STXBP5L: variants seen among roughly 807,000 people sequenced by gnomAD.
STXBP5L encodes syntaxin-binding protein 5-like.
In STXBP5L, 65 loss-of-function variants were observed where a neutral mutation model predicts 144.5. That is an observed-to-expected ratio of 0.45 (90% CI 0.37 to 0.55). The LOEUF (loss-of-function observed/expected upper bound fraction) is 0.55, where lower values mean the gene tolerates loss of function less well. Ranked by LOEUF, STXBP5L falls within the 20% of genes least tolerant of loss-of-function variation. The probability of loss-of-function intolerance (pLI) is 0.00; values close to 1 mark genes in which losing one functional copy is unlikely to be tolerated. For synonymous variants in STXBP5L, 505 were observed against 469.6 expected, an observed-to-expected ratio of 1.08 and a Z score of -0.97; for missense variants, 1,298 against 1,405.5, an observed-to-expected ratio of 0.92 and a Z score of 1.22.
At chr3:120,996,617 C>T (rs950486854) in intron 3 of STXBP5L, among the ~76,000 whole-genome samples, 14 of 152,110 alleles carry the variant, frequency 9.2e-5, no homozygotes, top group African/African-American at 3.4e-4. Context: ...TCCCCATTTT[C>T]CCAGCCTCCT....
chr3:121,311,413 T>C (rs2043522568), intron 19 of STXBP5L, among the ~76,000 whole-genome samples: 1 of 152,232 alleles, frequency 6.6e-6, no homozygotes, highest in African/African-American at 2.4e-5. Flanking sequence ...AAAATCCAAA[T>C]GTTTCACAAT....
intron 20 of STXBP5L, among the ~76,000 whole-genome samples, chr3:121,339,962 C>A (rs1559992215): frequency 6.6e-6 from 1 of 151,982 alleles, no homozygotes; most frequent in Non-Finnish European, 1.5e-5. Flanking sequence ...ATCAGTATCA[C>A]ACAAATGATC....
Position 121,368,204 on chromosome 3 carries a change from T to C in STXBP5L, c.2177-10512T>C, listed in dbSNP as rs146190263. 2.4e-3 allele frequency among the ~76,000 whole-genome samples: 368 copies of C among 152,270 alleles called. 1 individual carries two copies. The highest frequency in any genetic ancestry group is 8.5e-3 in the African/African-American group (352 of 41,562). The stretch of plus-strand genomic sequence containing the variant: ...TTTCTGTTTTTCAGACTTGATAATA[T>C]TCACTTTTTAATCTACAAGTTTGCT... On this transcript the variant is annotated intron_variant, in intron 20 of 26. Transcript: ENST00000471454.
intron 7 of STXBP5L, among the ~76,000 whole-genome samples, chr3:121,128,857 C>A (rs749012794): frequency 2.6e-5 from 4 of 151,976 alleles, no homozygotes; most frequent in Non-Finnish European, 5.9e-5. Flanking sequence ...AGTTAGTTTG[C>A]AGATTCAGAA....
intron 3 of STXBP5L, among the ~76,000 whole-genome samples, chr3:121,019,550 C>T (rs1366104478): frequency 3.9e-5 from 6 of 152,208 alleles, no homozygotes; most frequent in African/African-American, 1.4e-4. Flanking sequence ...GGAGCAGGTC[C>T]TGGTATCCAT....
At chr3:121,144,283 T>G (rs1165612666) in intron 7 of STXBP5L, among the ~76,000 whole-genome samples, 1 of 151,804 alleles carries the variant, frequency 6.6e-6, no homozygotes, top group Non-Finnish European at 1.5e-5. Flanking sequence ...CTATTGAACT[T>G]AAGGTGTTAT....
chr3:121,010,803 A>G (rs183252210), intron 3 of STXBP5L, among the ~76,000 whole-genome samples: 1 of 151,978 alleles, frequency 6.6e-6, no homozygotes, highest in East Asian at 1.9e-4. Context: ...TTATTCATTT[A>G]GTGGAAGTAG....
chr3:120,948,155 C>T (rs1710975789), intron 2 of STXBP5L, among the ~76,000 whole-genome samples: 1 of 151,496 alleles, frequency 6.6e-6, no homozygotes, highest in South Asian at 2.1e-4. Context: ...AGTGGGTGCA[C>T]AGTTGTATCT....
At chr3:120,994,233 AAAGG>A in intron 3 of STXBP5L, among the ~76,000 whole-genome samples, 1 of 152,190 alleles carries the variant, frequency 6.6e-6, no homozygotes, top group African/African-American at 2.4e-5. Flanking sequence ...TTATTTCTGC[AAAGG>A]GACAGTTTGA....
chr3:121,138,267 A>G (rs966821992), intron 7 of STXBP5L, among the ~76,000 whole-genome samples: 1 of 152,160 alleles, frequency 6.6e-6, no homozygotes, highest in Non-Finnish European at 1.5e-5. Context: ...AAGAAGACAC[A>G]TAAATGGAAA....
rs977167748 is a variant in STXBP5L at position 121,190,101 on chromosome 3, C to T, written c.878-15822C>T. On this transcript the variant is annotated intron_variant, in intron 9 of 26. Coordinates refer to ENST00000471454, the MANE Select transcript of STXBP5L (RefSeq NM_001308330.2). ...TTATTGATCATTCTTGGGTGTTTCT[C>T]GGAGAGGGGGATTTGGTAGGTTCAT... Among the ~76,000 whole-genome samples, 84 of 150,968 alleles carry T rather than the reference C, an allele frequency of 5.6e-4. 1 individual carries two copies. The highest frequency in any genetic ancestry group is 1.8e-3 in the Admixed American group (27 of 15,146).
chr3:121,284,361 C>T (rs2051161938), intron 19 of STXBP5L, among the ~76,000 whole-genome samples: 1 of 151,996 alleles, frequency 6.6e-6, no homozygotes, highest in South Asian at 2.1e-4. Flanking sequence ...CTATAGTAAG[C>T]CTTTCCTACC....
chr3:121,091,474 A>C (rs2042790197), intron 5 of STXBP5L, among the ~76,000 whole-genome samples: 1 of 152,004 alleles, frequency 6.6e-6, no homozygotes, highest in Non-Finnish European at 1.5e-5. Context: ...TGCCATTCTA[A>C]CTGGTGTGAG....
intron 5 of STXBP5L, among the ~76,000 whole-genome samples, chr3:121,067,446 C>T (rs1017339740): frequency 3.9e-5 from 6 of 152,018 alleles, no homozygotes; most frequent in African/African-American, 1.4e-4. Flanking sequence ...TTTTCTATCT[C>T]TTGTTAGTAA....
At chr3:121,275,888 C>T (rs983406099) in intron 18 of STXBP5L, among the ~76,000 whole-genome samples, 13 of 152,012 alleles carry the variant, frequency 8.6e-5, no homozygotes, top group African/African-American at 1.9e-4. Context: ...TCCATCATTT[C>T]GCTTTATATT....
At chr3:121,091,786 C>G (rs931308543) in intron 5 of STXBP5L, among the ~76,000 whole-genome samples, 1 of 152,110 alleles carries the variant, frequency 6.6e-6, no homozygotes, top group Non-Finnish European at 1.5e-5. Context: ...TTAATTAGAT[C>G]CCATTTGTCA....
At chr3:121,231,648 A>G (rs922260397) in intron 11 of STXBP5L, among the ~76,000 whole-genome samples, 13 of 152,128 alleles carry the variant, frequency 8.5e-5, no homozygotes, top group African/African-American at 2.9e-4. Context: ...AGAAAGAGAT[A>G]TATATATTTT....
At chr3:120,995,230 C>G (rs969081092) in intron 3 of STXBP5L, among the ~76,000 whole-genome samples, 1 of 152,178 alleles carries the variant, frequency 6.6e-6, no homozygotes, top group Non-Finnish European at 1.5e-5. Context: ...TCACAGCAAC[C>G]TTGACCTTCT....
chr3:121,206,172 A>G (rs917621586), intron 10 of STXBP5L, among the ~76,000 whole-genome samples, 171 bp downstream of exon 10: 3 of 152,178 alleles, frequency 2.0e-5, no homozygotes, highest in African/African-American at 7.2e-5. Flanking sequence ...GATTATTATT[A>G]TGATTATTAT....
Sources: gnomAD v4.1 joint callset for allele counts (sites outside exome capture counted in the v4.1 genomes callset) on GRCh38, gnomAD v4.1.1 for gene constraint, MANE v1.5 for transcripts, NCBI Gene and HGNC (gene_info 2026-07-23, HGNC 2026-07-21) for gene names.